The following TTC7A variants were observed in gnomAD, a reference collection of about 807,000 sequenced individuals.
TTC7A encodes tetratricopeptide repeat domain 7A.
In TTC7A, 110 loss-of-function variants were observed where a neutral mutation model predicts 103.7. The ratio of observed to expected loss-of-function variants is 1.06; its 90% CI spans 0.91 to 1.24. The LOEUF (loss-of-function observed/expected upper bound fraction) is 1.24, where lower values mean the gene tolerates loss of function less well. TTC7A is among the 50% of genes most tolerant of loss of function. TTC7A has a pLI of 0.00. For synonymous variants in TTC7A, 521 were observed against 467.9 expected, an observed-to-expected ratio of 1.11 and a Z score of -1.47; for missense variants, 1,340 against 1,116.3, an observed-to-expected ratio of 1.20 and a Z score of -2.86.
chr2:47,027,146 C>A (rs952654888), intron 14 of TTC7A, among the ~76,000 whole-genome samples: 1 of 152,206 alleles, frequency 6.6e-6, no homozygotes, highest in Admixed American at 6.5e-5. Flanking sequence ...GGGTGCAGAA[C>A]CTCAAGCTAA....
chr2:47,062,763 A>G (rs968391848), intron 19 of TTC7A, among the ~76,000 whole-genome samples: 1 of 152,264 alleles, frequency 6.6e-6, no homozygotes, highest in Admixed American at 6.5e-5. Context: ...AAATTGAAGC[A>G]GTTTCCAAGG....
chr2:46,972,092 C>T (rs185776967), intron 3 of TTC7A, among the ~76,000 whole-genome samples: 9 of 152,160 alleles, frequency 5.9e-5, no homozygotes, highest in Admixed American at 4.6e-4. Context: ...GATCTAGGTA[C>T]TCCGTCTCTT....
intron 16 of TTC7A, chr2:47,047,132 G>A: frequency 1.6e-6 from 1 of 623,680 alleles, no homozygotes; most frequent in Non-Finnish European, 2.9e-6. Flanking sequence ...GTGGCCCAAA[G>A]GGAAAGTGGG....
At chr2:47,039,086 G>T (rs1329131100) in intron 15 of TTC7A, among the ~76,000 whole-genome samples, 1 of 152,054 alleles carries the variant, frequency 6.6e-6, no homozygotes, top group Non-Finnish European at 1.5e-5. Flanking sequence ...CAACCCTCCT[G>T]GGCAGTACCA....
chr2:47,036,900 T>C (rs1033605721), intron 15 of TTC7A, among the ~76,000 whole-genome samples: 1 of 152,192 alleles, frequency 6.6e-6, no homozygotes, highest in Admixed American at 6.5e-5. Flanking sequence ...TGAGAGACCA[T>C]GTGTCTGGGA....
chr2:46,947,714 A>G (rs1303523442), intron 1 of TTC7A, among the ~76,000 whole-genome samples: 1 of 152,182 alleles, frequency 6.6e-6, no homozygotes, highest in Non-Finnish European at 1.5e-5. Context: ...CCCTGTCTGA[A>G]AATAAATTCC....
chr2:46,962,351 G>C (rs1572736200), intron 3 of TTC7A, among the ~76,000 whole-genome samples: 1 of 152,254 alleles, frequency 6.6e-6, no homozygotes, highest in East Asian at 1.9e-4. Context: ...TTGGACCTCA[G>C]CTCAGTATGC....
Position 47,075,172 on chromosome 2 carries a change from C to T in TTC7A, c.*1249C>T, listed in dbSNP as rs1685118761. ...CACACTAGCTCAGCACTGCATTTCCCGAGATGATTCCCAAGACAGCTGGTG... is the reference window on the plus strand; with the variant it reads ...CACACTAGCTCAGCACTGCATTTCCTGAGATGATTCCCAAGACAGCTGGTG... On this transcript the variant is annotated 3_prime_UTR_variant, in exon 20 of 20. Transcript: ENST00000319190. 6.6e-6 allele frequency: 1 copy of T among 152,200 alleles called. No homozygotes were observed. The highest frequency in any genetic ancestry group is 1.5e-5 in the Non-Finnish European group (1 of 68,042). The allele number at this position is 152,200 out of a possible 1,614,324, so 9.4% of individuals were successfully genotyped here.
intron 1 of TTC7A, among the ~76,000 whole-genome samples, chr2:46,942,286 A>T (rs1670499768): frequency 6.6e-6 from 1 of 152,136 alleles, no homozygotes; most frequent in South Asian, 2.1e-4. Flanking sequence ...CTTTAGCAGT[A>T]GGGCTGGTTT....
intron 1 of TTC7A, chr2:46,917,164 T>G (rs1287189996): frequency 1.4e-6 from 1 of 700,346 alleles, no homozygotes; most frequent in Non-Finnish European, 2.6e-6. Flanking sequence ...AATCCCTAAT[T>G]TTTTTTTCTT....
chr2:46,974,569 G>T, intron 3 of TTC7A: 1 of 436,908 alleles, frequency 2.3e-6, no homozygotes, highest in Admixed American at 2.4e-5. Flanking sequence ...TGAAGGGAAG[G>T]TAAAGGTTAT....
chr2:47,019,196 T>A (rs1452447346), intron 11 of TTC7A, among the ~76,000 whole-genome samples: 1 of 152,176 alleles, frequency 6.6e-6, no homozygotes, highest in Non-Finnish European at 1.5e-5. Flanking sequence ...ATCACTGCTA[T>A]GACTCTGCAT....
At chr2:46,935,153 C>T (rs985190843) in intron 2 of TTC7A, among the ~76,000 whole-genome samples, 5 of 152,012 alleles carry the variant, frequency 3.3e-5, no homozygotes, top group Non-Finnish European at 5.9e-5. Context: ...CCCTGAGAAG[C>T]GTTGGTCACT....
chr2:46,998,428 A>C (rs936586911), intron 8 of TTC7A, among the ~76,000 whole-genome samples: 15 of 152,062 alleles, frequency 9.9e-5, no homozygotes, highest in Non-Finnish European at 1.6e-4. Context: ...TGAGAGGACT[A>C]GGGTATGGGT....
In TTC7A at chr2:47,018,895, T is replaced by C. The variant is rs899714415; in HGVS notation, c.1393-2967T>C. Among the ~76,000 whole-genome samples, 5 of 152,272 alleles carry C rather than the reference T, an allele frequency of 3.3e-5. No individual in the cohort carries two copies. In the East Asian group the frequency reaches 9.6e-4, roughly 29 times the overall value. ...GTTAGCAAGTGACCAGCCTAGGATT[T>C]GGACCAGGGTGTTTGGCCCCAGAGC... is the stretch of plus-strand genomic sequence containing the variant. On this transcript the variant is annotated intron_variant, in intron 11 of 19. Coordinates refer to ENST00000319190, the MANE Select transcript of TTC7A (RefSeq NM_020458.4).
chr2:46,992,395 A>T (rs1675724848), intron 5 of TTC7A, among the ~76,000 whole-genome samples: 1 of 152,210 alleles, frequency 6.6e-6, no homozygotes, highest in Non-Finnish European at 1.5e-5. Context: ...GGGAGGCTTC[A>T]TGGAGGAGGT....
chr2:46,937,110 C>T (rs1206705908), upstream of TTC7A, among the ~76,000 whole-genome samples: 3 of 152,102 alleles, frequency 2.0e-5, no homozygotes, highest in Admixed American at 1.3e-4. The surrounding 1 kb of genome is among the most constrained non-coding windows in gnomAD (Gnocchi z 4.0). Context: ...CCCACCTTGG[C>T]CTCCCAAAGT....
At chr2:47,046,637 A>G (rs1682352391) in intron 16 of TTC7A, among the ~76,000 whole-genome samples, 1 of 152,200 alleles carries the variant, frequency 6.6e-6, no homozygotes, top group Admixed American at 6.5e-5. Context: ...TAGAGACCCT[A>G]CGTAGGACAT....
intron 2 of TTC7A, among the ~76,000 whole-genome samples, chr2:46,954,595 G>A (rs1253360906): frequency 7.1e-5 from 9 of 126,530 alleles, no homozygotes; most frequent in East Asian, 2.1e-4. Flanking sequence ...TTGAGACAAC[G>A]GAGTCTCGCT....
Sources: gnomAD v4.1 joint callset for allele counts (sites outside exome capture counted in the v4.1 genomes callset) on GRCh38, gnomAD v4.1.1 for gene constraint, Gnocchi (gnomAD v3.1) non-coding constraint, MANE v1.5 for transcripts, NCBI Gene and HGNC (gene_info 2026-07-23, HGNC 2026-07-21) for gene names.